ADAM8: variants seen among roughly 807,000 people sequenced by gnomAD.
ADAM8 encodes disintegrin and metalloproteinase domain-containing protein 8.
Under a neutral mutation model 102.4 loss-of-function variants are expected in ADAM8, and 104 were observed. That is an observed-to-expected ratio of 1.02 (90% CI 0.87 to 1.20). The LOEUF (loss-of-function observed/expected upper bound fraction) is 1.20, where lower values mean the gene tolerates loss of function less well. Ranked by LOEUF, ADAM8 falls within the 50% of genes most tolerant of loss-of-function variation. The pLI is 0.00. For synonymous variants in ADAM8, 517 were observed against 485.2 expected, an observed-to-expected ratio of 1.07 and a Z score of -0.86; for missense variants, 1,132 against 1,159.0, an observed-to-expected ratio of 0.98 and a Z score of 0.34.
Position 133,269,510 on chromosome 10 carries a change from TCCTGCTTGTGGTTGCACA to T in ADAM8, c.1865_1882del (p.Val622_Gln627del). 7 of 1,598,896 alleles carry T rather than the reference TCCTGCTTGTGGTTGCACA, an allele frequency of 4.4e-6. No individual in the cohort carries two copies. Among genetic ancestry groups the T allele is most frequent in the Non-Finnish European group, 2.5e-6 (3 of 1,178,186 alleles). ...GGCCCAGCCCGCGTGGCAGTGGCAC[TCCTGCTTGTGGTTGCACA>T]CCTGCGGGGACGGCTGGGCTCAGGG... On this transcript the variant is annotated inframe_deletion and splice_region_variant, in exon 18 of 23. Transcript: ENST00000445355.
chr10:133,274,828 A>G, intron 2 of ADAM8: 1 of 432,848 alleles, frequency 2.3e-6, no homozygotes, highest in Non-Finnish European at 4.7e-6. Flanking sequence ...CTGCTGGACC[A>G]CTGCATCTCC....
intron 16 of ADAM8, 86 bp from the exon 17 acceptor site, chr10:133,270,060 G>GACCACAGCCCACCCCCA: frequency 6.8e-7 from 1 of 1,466,208 alleles, no homozygotes; most frequent in Non-Finnish European, 9.4e-7. Context: ...AGCTGGGGGT[G>GACCACAGCCCACCCCCA]GGCTGTGGTC....
In ADAM8 at chr10:133,269,838, C is replaced by T. The variant is rs551652331; in HGVS notation, c.1863+59G>A. 2,992 of 1,566,858 alleles carry T rather than the reference C, an allele frequency of 1.9e-3. 3 individuals carry two copies. Among genetic ancestry groups the T allele is most frequent in the Non-Finnish European group, 2.4e-3 (2,719 of 1,141,180 alleles). Reference sequence around the variant, plus strand: ...CCGTGTCCAGAGCTGTCCCCAGCACCGGCTCCCTCAGAGCGGCAGCCTCTG... The same window carrying T: ...CCGTGTCCAGAGCTGTCCCCAGCACTGGCTCCCTCAGAGCGGCAGCCTCTG... On this transcript the variant is annotated intron_variant, in intron 17 of 22. Coordinates refer to ENST00000445355, the MANE Select transcript of ADAM8 (RefSeq NM_001109.5).
rs746046250 is a variant in ADAM8, at chr10:133,263,673, G to GT, written c.2397+14dup. The GT allele has an allele frequency of 1.2e-6, 1 of 833,586 alleles. No individual in the cohort carries two copies. The highest frequency in any genetic ancestry group is 2.6e-5 in the South Asian group (1 of 38,752). The allele number at this position is 833,586 out of a possible 1,614,324, so 51.6% of individuals were successfully genotyped here. A position where few individuals can be genotyped will look rare whatever the true frequency, so the allele number is the denominator to read the frequency against. On this transcript the variant is annotated intron_variant, in intron 22 of 22. Transcript: ENST00000445355. ...TTGCACAGTGGACTCTGCCTGGTGT[G>GT]TGCTGGGGCCTCACCTCAGCTGGAC...
At position 133,268,760 on chromosome 10, in the gene ADAM8, C is replaced by T. The variant is rs764039221; in HGVS notation, c.2051G>A (p.Arg684His). The T allele has an allele frequency of 9.9e-6, 16 of 1,609,642 alleles. No homozygotes were observed. Among genetic ancestry groups the T allele is most frequent in the African/African-American group, 6.7e-5 (5 of 74,916 alleles). ...GIIVYRKARS[R>H]ILSRNVAPKT... ...CCACCACCCTCACCTGCTCAGGATG[C>T]GGCTCCGGGCTTTGCGGTAGACGAT... Residue 684 changes from arginine to histidine, a missense_variant, in exon 19 of 23, where the codon CGC (arginine) becomes CAC (histidine). By Grantham distance (29) the Arg-to-His change is conservative. Transcript: ENST00000445355.
chr10:133,268,966 C>T, intron 18 of ADAM8, 104 bp from the exon 19 acceptor site: 1 of 1,504,352 alleles, frequency 6.6e-7, no homozygotes, highest in Non-Finnish European at 8.8e-7. Context: ...CCAGGCTGTG[C>T]CCTGTGGACC....
At position 133,270,450 on chromosome 10, in the gene ADAM8, G is replaced by T; in HGVS notation, c.1695C>A (p.Ile565=). ...KGGQQPLGRA[I]CIVDVCHALT... is the part of the protein sequence containing the mutation. Reference sequence around the variant, plus strand: ...GCGCGTGGCACACATCCACGATGCAGATGGCACGCCCCAGGGGCTGCTGCC... The same window carrying T: ...GCGCGTGGCACACATCCACGATGCATATGGCACGCCCCAGGGGCTGCTGCC... The change falls in exon 16 of 23, where the codon ATC becomes ATA. Residue 565 remains isoleucine (I), a synonymous_variant. Transcript: ENST00000445355. The T allele has an allele frequency of 6.2e-7, 1 of 1,606,284 alleles. No individual in the cohort carries two copies. The highest frequency in any genetic ancestry group is 8.5e-7 in the Non-Finnish European group (1 of 1,174,726).
In ADAM8 at chr10:133,270,530, C is replaced by A; in HGVS notation, c.1635-20G>T. On this transcript the variant is annotated intron_variant, in intron 15 of 22. Coordinates refer to ENST00000445355, the MANE Select transcript of ADAM8 (RefSeq NM_001109.5). ...TCAGCCCTGTGGATGGACGGCAGGT[C>A]GTGGGCCAGCTTGCCTGGGAGCATG... 6.4e-7 allele frequency: 1 copy of A among 1,574,328 alleles called. No homozygotes were observed. The highest frequency in any genetic ancestry group is 1.1e-5 in the South Asian group (1 of 88,236).
At position 133,273,937 on chromosome 10, in the gene ADAM8, C is replaced by T. The variant is rs368175822; in HGVS notation, c.306+14G>A. ...CCCCTACCTGCCCGCCCAGCTGCTC[C>T]GCCCGACCCATACCTGCCCGCGAGG... On this transcript the variant is annotated intron_variant, in intron 4 of 22. Coordinates refer to ENST00000445355, the MANE Select transcript of ADAM8 (RefSeq NM_001109.5). The T allele has an allele frequency of 2.2e-3, 3,516 of 1,586,894 alleles. 1 individual carries two copies. Among genetic ancestry groups the T allele is most frequent in the Non-Finnish European group, 2.9e-3 (3,378 of 1,170,366 alleles).
intron 20 of ADAM8, 142 bp downstream of exon 20, chr10:133,267,787 C>A (rs1440866035): frequency 1.1e-6 from 1 of 886,366 alleles, no homozygotes; most frequent in Non-Finnish European, 1.6e-6. Context: ...ACCACAGCAG[C>A]TGCTCTGGGC....
At chr10:133,268,280 A>T (rs1846396038) in intron 19 of ADAM8, among the ~76,000 whole-genome samples, 162 bp from the exon 20 acceptor site, 1 of 152,164 alleles carries the variant, frequency 6.6e-6, no homozygotes, top group Non-Finnish European at 1.5e-5. Flanking sequence ...CGGACCCTGA[A>T]GAGGCAGGGA....
In ADAM8 at chr10:133,267,495, G is replaced by A. The variant is rs192255933; in HGVS notation, c.2254-78C>T. ...TCCAGCACCCCCAGCTCCAGGATCC[G>A]AGGTTCCTGCCTCTTGTGTGTGCTG... On this transcript the variant is annotated intron_variant, in intron 20 of 22. Transcript: ENST00000445355. 208 of 1,402,092 alleles carry A rather than the reference G, an allele frequency of 1.5e-4. 1 individual carries two copies. The East Asian group carries it at 3.4e-3, about 23-fold the overall frequency. 86.9% of individuals were successfully genotyped at this position (1,402,092 alleles called of 1,614,324 possible).
At chr10:133,273,702 C>G in intron 5 of ADAM8, 60 bp downstream of exon 5, 1 of 1,517,016 alleles carries the variant, frequency 6.6e-7, no homozygotes, top group Non-Finnish European at 8.9e-7. Context: ...CCACCCCCAC[C>G]ACAGGCTTAG....
intron 10 of ADAM8, 89 bp downstream of exon 10, chr10:133,272,104 T>C (rs1228880363): frequency 6.7e-7 from 1 of 1,501,616 alleles, no homozygotes; most frequent in South Asian, 1.2e-5. Flanking sequence ...TGAGGGGAGG[T>C]GGCCTGCTCC....
rs1448936203 is a variant in ADAM8, at chr10:133,262,553, T to C, written c.*603A>G. On this transcript the variant is annotated 3_prime_UTR_variant, in exon 23 of 23. Transcript: ENST00000445355. The stretch of plus-strand genomic sequence containing the variant: ...ATAGCTGACTCTCCCACATAGCCCT[T>C]TCCATAAAGGCGATTCCTAAGCTTA... 6.5e-6 allele frequency: 1 copy of C among 152,750 alleles called. No individual in the cohort carries two copies. The highest frequency in any genetic ancestry group is 1.5e-5 in the Non-Finnish European group (1 of 68,332). The allele number at this position is 152,750 out of a possible 1,614,324, so 9.5% of individuals were successfully genotyped here.
intron 15 of ADAM8, 37 bp from the exon 16 acceptor site, chr10:133,270,547 G>A: frequency 6.4e-7 from 1 of 1,569,388 alleles, no homozygotes; most frequent in Non-Finnish European, 8.7e-7. Context: ...CAGCTTGCCT[G>A]GGAGCATGCT....
At chr10:133,271,736 G>A (rs777350567) in intron 11 of ADAM8, 31 bp from the exon 12 acceptor site, 55 of 1,585,294 alleles carry the variant, frequency 3.5e-5, no homozygotes, top group Non-Finnish European at 4.1e-5. Flanking sequence ...TGGGGGAGGC[G>A]GCCTGGCCCC....
rs141276821 is a variant in ADAM8, at chr10:133,270,943, C to T, written c.1502G>A (p.Gly501Asp). The T allele has an allele frequency of 2.1e-4, 337 of 1,612,744 alleles. No homozygotes were observed. In the African/African-American group the frequency reaches 4.3e-3, roughly 21 times the overall value. ...FQENGTPCSG[G>D]YCYNGACPTL... ...GGGACAGGCCCCGTTGTAGCAGTAG[C>T]CCCCGGAGCAGGGCGTGCCGTTCTC... Residue 501 changes from glycine (G) to aspartate (D), a missense_variant, in exon 14 of 23, where the codon GGC (glycine) becomes GAC (aspartate). Gly to Asp is a moderately conservative substitution (Grantham distance 94). Transcript: ENST00000445355.
chr10:133,266,555 G>A (rs1846327513), intron 21 of ADAM8, among the ~76,000 whole-genome samples: 1 of 152,110 alleles, frequency 6.6e-6, no homozygotes, highest in Non-Finnish European at 1.5e-5. Flanking sequence ...CTTCACACAG[G>A]CACCTCCCCA....
Sources: allele counts gnomAD v4.1 joint callset (sites outside exome capture counted in the v4.1 genomes callset), GRCh38; gene constraint gnomAD v4.1.1; transcripts MANE v1.5; gene names NCBI Gene and HGNC (gene_info 2026-07-23, HGNC 2026-07-21).